The following TTC39A variants were observed in gnomAD, a reference collection of about 807,000 sequenced individuals.
The protein encoded by TTC39A is tetratricopeptide repeat protein 39A.
Under a neutral mutation model 82.3 loss-of-function variants are expected in TTC39A, and 46 were observed. The observed-to-expected ratio is 0.56, with a 90% CI of 0.44 to 0.71. The LOEUF is 0.71. Among genes scored for constraint, TTC39A ranks in the 30% least tolerant of loss-of-function variants. The pLI, the probability that TTC39A is intolerant of heterozygous loss-of-function variation, is 0.00. For missense variants in TTC39A, 543 were observed against 712.9 expected, an observed-to-expected ratio of 0.76 and a Z score of 2.71; for synonymous variants, 254 against 275.2, an observed-to-expected ratio of 0.92 and a Z score of 0.76.
At chr1:51,309,444 G>A (rs1196845187) in intron 5 of TTC39A, 119 bp from the exon 6 acceptor site, 1 of 1,549,522 alleles carries the variant, frequency 6.5e-7, no homozygotes, top group African/African-American at 1.4e-5. Context: ...GGGGGATGAG[G>A]TCGGAGGTCA....
chr1:51,310,131 G>A (rs1276140603), intron 5 of TTC39A, among the ~76,000 whole-genome samples: 3 of 152,046 alleles, frequency 2.0e-5, no homozygotes, highest in Non-Finnish European at 2.9e-5. Flanking sequence ...AAAATTAGCT[G>A]GAGGCTGAGG....
upstream of TTC39A, among the ~76,000 whole-genome samples, chr1:51,333,566 T>A (rs1645938510): frequency 6.6e-6 from 1 of 152,240 alleles, no homozygotes; most frequent in Non-Finnish European, 1.5e-5. Context: ...CCAAAACTCC[T>A]CCTAACCCTG....
chr1:51,323,991 T>C (rs1420696065), intron 1 of TTC39A, among the ~76,000 whole-genome samples: 1 of 152,080 alleles, frequency 6.6e-6, no homozygotes, highest in Middle Eastern at 3.2e-3. Context: ...ACAGGATACA[T>C]TGCTCCAGGA....
In TTC39A at chr1:51,294,406, C is replaced by T. The variant is rs1644334749; in HGVS notation, c.1251G>A (p.Leu417=). 1 of 1,614,002 alleles carries T rather than the reference C, an allele frequency of 6.2e-7. No individual in the cohort carries two copies. The highest frequency in any genetic ancestry group is 8.5e-7 in the Non-Finnish European group (1 of 1,179,898). The change falls in exon 14 of 18, where the codon CTG becomes CTA. Residue 417 remains leucine (L), a synonymous_variant. Transcript: ENST00000680483. This position sits in a 1 kb window ranked among gnomAD's most constrained non-coding sequence, Gnocchi z 4.3. ...TCCTACCCACCAGAGCAGGCACTGGCAGCGAGATAGGGTTGGAGGAGAAGT... is the reference window on the plus strand; with the variant it reads ...TCCTACCCACCAGAGCAGGCACTGGTAGCGAGATAGGGTTGGAGGAGAAGT... ...RRYFSSNPIS[L]PVPALEMMYI...
At chr1:51,291,834 T>A (rs191924387) in intron 14 of TTC39A, among the ~76,000 whole-genome samples, 12 of 151,594 alleles carry the variant, frequency 7.9e-5, no homozygotes, top group Admixed American at 1.3e-4. Context: ...CTTTTCACCA[T>A]GTCTTTGTCA....
intron 8 of TTC39A, among the ~76,000 whole-genome samples, chr1:51,303,895 A>G (rs1644775765): frequency 2.0e-5 from 3 of 152,192 alleles, no homozygotes; most frequent in Admixed American, 2.0e-4. Context: ...GCGCTTTCTT[A>G]AGGAAACAAA....
intron 7 of TTC39A, 115 bp from the exon 8 acceptor site, chr1:51,305,261 C>T (rs1177941795): frequency 6.9e-6 from 7 of 1,012,394 alleles, no homozygotes; most frequent in Admixed American, 2.0e-5. Context: ...GAGGGCCACC[C>T]CTCTAACTTT....
chr1:51,289,855 C>T (rs371665653), intron 16 of TTC39A, 150 bp downstream of exon 16: 24 of 640,604 alleles, frequency 3.7e-5, no homozygotes, highest in African/African-American at 3.5e-4. Context: ...CGGCACAAGT[C>T]CTGGCACAGA....
chr1:51,330,302 G>A lies in TTC39A; in HGVS notation c.41+135C>T, dbSNP rs923055705. On this transcript the variant is annotated intron_variant, in intron 1 of 17. Coordinates refer to ENST00000680483, the MANE Select transcript of TTC39A (RefSeq NM_001297663.2). The surrounding 1 kb of genome is among the most constrained non-coding windows in gnomAD (Gnocchi z 4.5). The stretch of plus-strand genomic sequence containing the variant: ...GCAGCGGCGGCGGCTGCCAGGGGCC[G>A]GGCGGGGTGGGGGCTGGAAGCCGCA... 5.4e-6 allele frequency: 5 copies of A among 926,926 alleles called. No individual in the cohort carries two copies. The African/African-American group carries it at 7.2e-5, about 13-fold the overall frequency. 57.4% of individuals were successfully genotyped at this position (926,926 alleles called of 1,614,324 possible). A position where few individuals can be genotyped will look rare whatever the true frequency, so the allele number is the denominator to read the frequency against.
chr1:51,288,947 T>A lies in TTC39A; in HGVS notation c.1502A>T (p.Lys501Met), dbSNP rs138509677. The change falls in exon 17 of 18, where the codon AAG becomes ATG. Residue 501 changes from lysine (K) to methionine (M), a missense_variant. Physicochemically the swap from Lys to Met is moderately conservative, Grantham distance 95 (BLOSUM62 -1). Transcript: ENST00000680483. The surrounding 1 kb of genome is among the most constrained non-coding windows in gnomAD (Gnocchi z 4.8). ...NFRSISANEK[K>M]IKYDHYLIPN... ...GATCAAGTAGTGGTCATATTTAATCTTCTTTTCACTGCAGAACAGAGGACA... is the reference window on the plus strand; with the variant it reads ...GATCAAGTAGTGGTCATATTTAATCATCTTTTCACTGCAGAACAGAGGACA... The A allele has an allele frequency of 3.2e-5, 51 of 1,599,852 alleles. No homozygotes were observed. Among genetic ancestry groups the A allele is most frequent in the Non-Finnish European group, 4.3e-5 (50 of 1,172,892 alleles).
chr1:51,340,697 G>A (rs192479567), intron 1 of TTC39A, among the ~76,000 whole-genome samples: 5 of 152,274 alleles, frequency 3.3e-5, no homozygotes, highest in South Asian at 4.1e-4. Context: ...ATCATCACTC[G>A]CGCTGGTATA....
At position 51,288,804 on chromosome 1, in the gene TTC39A, G is replaced by A; in HGVS notation, c.1610+35C>T. ...CCAGCTCCTGAGCTGAGTTCAGAGGGAGCAAAGGACAGACTGAGGTTACCC... is the reference window on the plus strand; with the variant it reads ...CCAGCTCCTGAGCTGAGTTCAGAGGAAGCAAAGGACAGACTGAGGTTACCC... On this transcript the variant is annotated intron_variant, in intron 17 of 17. Transcript: ENST00000680483. The surrounding 1 kb of genome is among the most constrained non-coding windows in gnomAD (Gnocchi z 4.8). 6.4e-7 allele frequency: 1 copy of A among 1,555,422 alleles called. No individual in the cohort carries two copies. Among genetic ancestry groups the A allele is most frequent in the Non-Finnish European group, 8.7e-7 (1 of 1,145,700 alleles).
upstream of TTC39A, among the ~76,000 whole-genome samples, chr1:51,335,563 CAA>C (rs1178529051): frequency 1.1e-3 from 76 of 68,048 alleles, no homozygotes; most frequent in African/African-American, 1.8e-3. Flanking sequence ...TCTTGTCTCA[CAA>C]AAAAAAAAAA....
Position 51,343,857 on chromosome 1 carries a change from C to G in TTC39A, c.53+1134G>C, listed in dbSNP as rs544341334. On this transcript the variant is annotated intron_variant, in intron 1 of 5. Coordinates refer to the TTC39A transcript ENST00000401051. ...CTGCTCTCAAACTCCTGGGCTCAAG[C>G]GATCCTCCCGCTGGGATTACAGGCA... Among the ~76,000 whole-genome samples the G allele has an allele frequency of 4.6e-5, 7 of 152,226 alleles. No homozygotes were observed. In the East Asian group the frequency reaches 1.4e-3, roughly 29 times the overall value.
rs761235885 is a variant in TTC39A, at chr1:51,296,190, A to G, written c.1054-20T>C. ...GGTGGCCTGTGCGAGACAGAGCAAC[A>G]GCCAGGTGTGAGCAGCCCTCCTCCA... On this transcript the variant is annotated intron_variant, in intron 12 of 17. Coordinates refer to ENST00000680483, the MANE Select transcript of TTC39A (RefSeq NM_001297663.2). The G allele has an allele frequency of 3.2e-6, 5 of 1,572,336 alleles. No individual in the cohort carries two copies. The South Asian group carries it at 3.5e-5, about 11-fold the overall frequency.
intron 5 of TTC39A, among the ~76,000 whole-genome samples, chr1:51,309,724 A>G (rs1645013634): frequency 6.6e-6 from 1 of 152,170 alleles, no homozygotes; most frequent in Non-Finnish European, 1.5e-5. Flanking sequence ...CAGCAGCTCT[A>G]TTCACTGTGT....
rs981302817 is a variant in TTC39A at position 51,330,026 on chromosome 1, C to T, written c.41+411G>A. On this transcript the variant is annotated intron_variant, in intron 1 of 17. Coordinates refer to ENST00000680483, the MANE Select transcript of TTC39A (RefSeq NM_001297663.2). This position sits in a 1 kb window ranked among gnomAD's most constrained non-coding sequence, Gnocchi z 4.5. ...AGACAGAACTGAGTTCAAATCCCAC[C>T]CGCAACTCTTACCTCCTGGGTGACC... The T allele has an allele frequency of 1.7e-6, 1 of 574,300 alleles. No individual in the cohort carries two copies. Among genetic ancestry groups the T allele is most frequent in the South Asian group, 7.7e-5 (1 of 13,020 alleles). The allele number at this position is 574,300 out of a possible 1,614,324, so 35.6% of individuals were successfully genotyped here. A position where few individuals can be genotyped will look rare whatever the true frequency, so the allele number is the denominator to read the frequency against.
chr1:51,307,197 G>A (rs187778195), intron 6 of TTC39A, among the ~76,000 whole-genome samples: 1 of 152,268 alleles, frequency 6.6e-6, no homozygotes, highest in East Asian at 1.9e-4. Context: ...AGAGCAAGAG[G>A]AGCCTTGGGA....
intron 1 of TTC39A, among the ~76,000 whole-genome samples, chr1:51,336,814 C>T (rs1318657820): frequency 6.6e-6 from 1 of 152,150 alleles, no homozygotes; most frequent in Non-Finnish European, 1.5e-5. Context: ...TAGGTTGTTG[C>T]AAGGATTAAA....
Sources: allele counts gnomAD v4.1 joint callset (sites outside exome capture counted in the v4.1 genomes callset), GRCh38; gene constraint gnomAD v4.1.1; non-coding constraint Gnocchi (gnomAD v3.1); transcripts MANE v1.5; gene names NCBI Gene and HGNC (gene_info 2026-07-23, HGNC 2026-07-21).